IL18R1: variants seen among roughly 807,000 people sequenced by gnomAD.
The protein encoded by IL18R1 is interleukin 18 receptor 1.
Under a neutral mutation model 48.5 loss-of-function variants are expected in IL18R1, and 40 were observed. The ratio of observed to expected loss-of-function variants is 0.82; its 90% CI spans 0.64 to 1.07. The LOEUF (loss-of-function observed/expected upper bound fraction) is 1.07, where lower values mean the gene tolerates loss of function less well. Ranked by LOEUF, IL18R1 falls within the 50% of genes least tolerant of loss-of-function variation. The pLI, the probability that IL18R1 is intolerant of heterozygous loss-of-function variation, is 0.00. For missense variants in IL18R1, 596 were observed against 633.7 expected (o/e 0.94, Z 0.64); for synonymous variants, 232 against 225.9 (o/e 1.03, Z -0.24).
rs562074079 is a variant in IL18R1, at chr2:102,368,500, C to T, written c.302+432C>T. On this transcript the variant is annotated intron_variant, in intron 3 of 10. Coordinates refer to ENST00000233957, the MANE Select transcript of IL18R1 (RefSeq NM_003855.5). ...AGCAGGGATGGGGTTGATGCAGAAA[C>T]ACCCTAGTCCAGTCTGCAGGGGCTC... 4.6e-5 allele frequency among the ~76,000 whole-genome samples: 7 copies of T among 152,276 alleles called. No individual in the cohort carries two copies. The South Asian group carries it at 1.5e-3, about 32-fold the overall frequency.
At chr2:102,371,538 A>G (rs1351751570) in intron 3 of IL18R1, among the ~76,000 whole-genome samples, 1 of 152,224 alleles carries the variant, frequency 6.6e-6, no homozygotes, top group Non-Finnish European at 1.5e-5. Flanking sequence ...ACACATTTAG[A>G]AAACAACATC....
intron 10 of IL18R1, among the ~76,000 whole-genome samples, chr2:102,395,436 G>T (rs1332200526): frequency 2.0e-5 from 3 of 151,868 alleles, no homozygotes; most frequent in African/African-American, 4.8e-5. Context: ...TGTGAACTGG[G>T]CATCAAAGAT....
At chr2:102,356,453 G>A (rs1692323071) in intron 1 of IL18R1, 53 bp downstream of exon 1, 2 of 339,080 alleles carry the variant, frequency 5.9e-6, no homozygotes, top group Non-Finnish European at 8.4e-6. Flanking sequence ...CCCAGAGGAA[G>A]GGAAGACCAC....
chr2:102,376,039 A>G lies in IL18R1; in HGVS notation c.601A>G (p.Thr201Ala). The change falls in exon 5 of 11, where the codon ACC becomes GCC. Residue 201 changes from threonine (T) to alanine (A), a missense_variant. Physicochemically the swap from Thr to Ala is moderately conservative, Grantham distance 58 (BLOSUM62 0). This residue lies in a region of IL18R1 where 360 missense variants were observed against 339.4 expected (regional missense o/e 1.06). Transcript: ENST00000233957. ...TGGAAAACTATTTAATATCACCAAA[A>G]CCTTCAATATAACAATAGTGGAAGG... is the stretch of plus-strand genomic sequence containing the variant. ...HNGKLFNITKTFNITIVEDRS... is the reference protein window; with the variant it reads ...HNGKLFNITKAFNITIVEDRS... The G allele has an allele frequency of 1.3e-6, 2 of 1,595,992 alleles. No homozygotes were observed. Among genetic ancestry groups the G allele is most frequent in the Non-Finnish European group, 1.7e-6 (2 of 1,174,264 alleles).
intron 4 of IL18R1, 54 bp downstream of exon 4, chr2:102,372,172 C>T: frequency 7.1e-7 from 1 of 1,407,760 alleles, no homozygotes; most frequent in Non-Finnish European, 9.7e-7. Context: ...GATAAAATTC[C>T]CAAATGAGGG....
At chr2:102,365,965 T>G (rs1288105282) in intron 2 of IL18R1, among the ~76,000 whole-genome samples, 2 of 152,170 alleles carry the variant, frequency 1.3e-5, no homozygotes, top group Non-Finnish European at 2.9e-5. Flanking sequence ...CAGGAAATCA[T>G]TTTTTCCTCT....
At chr2:102,389,764 C>A (rs113876458) in intron 8 of IL18R1, among the ~76,000 whole-genome samples, 5 of 152,204 alleles carry the variant, frequency 3.3e-5, no homozygotes, top group African/African-American at 7.2e-5. Flanking sequence ...TATCTCTTCA[C>A]CCCAGAAATC....
intron 1 of IL18R1, among the ~76,000 whole-genome samples, chr2:102,362,353 GC>G (rs1296945956): frequency 7.9e-5 from 12 of 152,216 alleles, no homozygotes; most frequent in Admixed American, 7.8e-4. Flanking sequence ...GGCCTTGGAA[GC>G]AGGATTTAGT....
intron 9 of IL18R1, among the ~76,000 whole-genome samples, chr2:102,392,442 G>A (rs942858761): frequency 5.3e-5 from 8 of 152,040 alleles, no homozygotes; most frequent in Non-Finnish European, 1.0e-4. Context: ...CATGATTTGC[G>A]GTAATTTTTT....
intron 1 of IL18R1, among the ~76,000 whole-genome samples, chr2:102,360,282 GAGA>G (rs1559615601): frequency 6.6e-6 from 1 of 152,130 alleles, no homozygotes; most frequent in Non-Finnish European, 1.5e-5. Flanking sequence ...TTTATTTTTT[GAGA>G]AGGAGTCTTG....
At chr2:102,386,465 C>T (rs970407458) in intron 7 of IL18R1, among the ~76,000 whole-genome samples, 1 of 152,180 alleles carries the variant, frequency 6.6e-6, no homozygotes, top group South Asian at 2.1e-4. Flanking sequence ...TACGAATCTG[C>T]ATCTATGCTA....
At chr2:102,376,152 G>A in intron 5 of IL18R1, 89 bp downstream of exon 5, 1 of 1,109,956 alleles carries the variant, frequency 9.0e-7, no homozygotes, top group East Asian at 2.6e-5. Flanking sequence ...GGAATTGAGA[G>A]TCCACTTAGT....
intron 8 of IL18R1, 118 bp downstream of exon 8, chr2:102,387,118 C>T: frequency 3.8e-6 from 4 of 1,048,532 alleles, no homozygotes; most frequent in Non-Finnish European, 5.6e-6. Flanking sequence ...GAGGGGAAAT[C>T]AGTCACCTCA....
chr2:102,393,516 T>G (rs560390643), intron 9 of IL18R1, among the ~76,000 whole-genome samples: 1 of 152,358 alleles, frequency 6.6e-6, no homozygotes, highest in African/African-American at 2.4e-5. Context: ...CTATGGAGGA[T>G]GCCAGGCTGG....
At chr2:102,381,776 G>A in intron 6 of IL18R1, 94 bp downstream of exon 6, 1 of 801,280 alleles carries the variant, frequency 1.2e-6, no homozygotes, top group Non-Finnish European at 2.1e-6. Flanking sequence ...AATGACACTG[G>A]ATACACATTT....
At chr2:102,374,450 TA>T (rs1384397663) in intron 4 of IL18R1, among the ~76,000 whole-genome samples, 1 of 152,162 alleles carries the variant, frequency 6.6e-6, no homozygotes, top group African/African-American at 2.4e-5. Flanking sequence ...TGTGTTACAG[TA>T]TATGTAAATT....
chr2:102,389,489 G>A (rs1680437619), intron 8 of IL18R1, among the ~76,000 whole-genome samples: 1 of 152,194 alleles, frequency 6.6e-6, no homozygotes, highest in African/African-American at 2.4e-5. Flanking sequence ...GCTGTGTGCT[G>A]TATTAACTAC....
chr2:102,376,792 G>A (rs1679613618), intron 5 of IL18R1, among the ~76,000 whole-genome samples: 1 of 152,192 alleles, frequency 6.6e-6, no homozygotes, highest in African/African-American at 2.4e-5. Context: ...TTCATCATAA[G>A]GCACAGCCAA....
In IL18R1 at chr2:102,394,775, G is replaced by A. The variant is rs7588848; in HGVS notation, c.1270+148G>A. 2,213 of 547,992 alleles carry A rather than the reference G, an allele frequency of 4.0e-3. 36 individuals carry two copies. The highest frequency in any genetic ancestry group is 0.038 in the African/African-American group (1,998 of 52,638). 33.9% of individuals were successfully genotyped at this position (547,992 alleles called of 1,614,324 possible). On this transcript the variant is annotated intron_variant, in intron 10 of 10. Coordinates refer to ENST00000233957, the MANE Select transcript of IL18R1 (RefSeq NM_003855.5). The stretch of plus-strand genomic sequence containing the variant: ...GAAATAACCACGTAAGTCAACAATC[G>A]ATAGTGAGAAAACAAACTAATGAGC...
Sources: gnomAD v4.1 joint callset for allele counts (sites outside exome capture counted in the v4.1 genomes callset) on GRCh38, gnomAD v4.1.1 for gene constraint, gnomAD v4.1.1 regional missense constraint, MANE v1.5 for transcripts, NCBI Gene and HGNC (gene_info 2026-07-23, HGNC 2026-07-21) for gene names.